Variants in MACROD2 observed in about 807,000 individuals in gnomAD.
MACROD2 encodes mono-ADP ribosylhydrolase 2, also known as ADP-ribose glycohydrolase MACROD2.
Under a neutral mutation model 70.4 loss-of-function variants are expected in MACROD2, and 36 were observed. The ratio of observed to expected loss-of-function variants is 0.51; its 90% CI spans 0.39 to 0.68. The LOEUF (loss-of-function observed/expected upper bound fraction) is 0.68, where lower values mean the gene tolerates loss of function less well. MACROD2 is among the 30% of genes least tolerant of loss of function. The probability of loss-of-function intolerance (pLI) is 0.00; values close to 1 mark genes in which losing one functional copy is unlikely to be tolerated. For synonymous variants in MACROD2, 172 were observed against 178.8 expected, an observed-to-expected ratio of 0.96 and a Z score of 0.30; for missense variants, 496 against 538.4, an observed-to-expected ratio of 0.92 and a Z score of 0.78.
chr20:15,611,691 A>C (rs911664611), intron 8 of MACROD2, among the ~76,000 whole-genome samples: 3 of 151,664 alleles, frequency 2.0e-5, no homozygotes, highest in African/African-American at 7.3e-5. Flanking sequence ...CGGCACTTAC[A>C]TGCTAAGGTT....
rs11468856 is a variant in MACROD2, at chr20:14,951,915, ATTTT to A, written c.418+266969_418+266972del. On this transcript the variant is annotated intron_variant, in intron 5 of 17. Transcript: ENST00000684519. ...CCCTCCCCTTCAGGGCAGCTTCTCCATTTTTTTTTTTTTTTTCCAGAGCTTATTA... is the reference window on the plus strand; with the variant it reads ...CCCTCCCCTTCAGGGCAGCTTCTCCATTTTTTTTTTTTCCAGAGCTTATTA... Among the ~76,000 whole-genome samples the A allele has an allele frequency of 8.7e-3, 1,157 of 133,678 alleles. 15 individuals carry two copies. Among genetic ancestry groups the A allele is most frequent in the African/African-American group, 0.03 (1,108 of 37,442 alleles). The allele number at this position is 133,678 out of a possible 152,430, so 87.7% of individuals were successfully genotyped here.
intron 4 of MACROD2, among the ~76,000 whole-genome samples, chr20:14,531,975 G>A (rs1319012050): frequency 6.6e-6 from 1 of 152,050 alleles, no homozygotes; most frequent in Non-Finnish European, 1.5e-5. Flanking sequence ...GCCAGCACTC[G>A]ACGTTCACTG....
At chr20:15,523,713 G>C (rs961888592) in intron 8 of MACROD2, among the ~76,000 whole-genome samples, 1 of 152,124 alleles carries the variant, frequency 6.6e-6, no homozygotes, top group Admixed American at 6.6e-5. Flanking sequence ...AGAATAGACT[G>C]GGGGGTGAAA....
At chr20:14,279,942 G>T (rs1198922771) in intron 3 of MACROD2, among the ~76,000 whole-genome samples, 1 of 152,108 alleles carries the variant, frequency 6.6e-6, no homozygotes, top group Non-Finnish European at 1.5e-5. Flanking sequence ...ATTAAGATTG[G>T]CTGTCAGAGG....
chr20:15,892,181 G>T (rs547394706), intron 10 of MACROD2, among the ~76,000 whole-genome samples: 1 of 152,232 alleles, frequency 6.6e-6, no homozygotes, highest in Non-Finnish European at 1.5e-5. Flanking sequence ...ATCTAGAGGG[G>T]CAAACAGATA....
chr20:15,229,863 T>C (rs1346021536), intron 5 of MACROD2, 77 bp from the exon 6 acceptor site: 1 of 1,395,038 alleles, frequency 7.2e-7, no homozygotes, highest in Non-Finnish European at 9.5e-7. Context: ...ATACCTAAAA[T>C]AAATAAAGTA....
At chr20:15,409,169 C>A (rs2046043941) in intron 6 of MACROD2, among the ~76,000 whole-genome samples, 1 of 152,060 alleles carries the variant, frequency 6.6e-6, no homozygotes, top group South Asian at 2.1e-4. Context: ...ATAATATAAC[C>A]ACTACTTGAG....
At chr20:14,105,979 A>G (rs1012363291) in intron 3 of MACROD2, among the ~76,000 whole-genome samples, 3 of 152,196 alleles carry the variant, frequency 2.0e-5, no homozygotes, top group Non-Finnish European at 4.4e-5. Context: ...GATACCAGAT[A>G]GCATACCATG....
intron 3 of MACROD2, among the ~76,000 whole-genome samples, chr20:14,338,718 T>A (rs924942281): frequency 1.3e-5 from 2 of 152,180 alleles, no homozygotes; most frequent in African/African-American, 4.8e-5. Flanking sequence ...TTGAAATTAT[T>A]TTAGTTTAAT....
intron 5 of MACROD2, among the ~76,000 whole-genome samples, chr20:14,879,059 C>A (rs1482731912): frequency 6.6e-6 from 1 of 152,134 alleles, no homozygotes; most frequent in African/African-American, 2.4e-5. Flanking sequence ...GTGGTTTTCA[C>A]CTTACTCATC....
intron 8 of MACROD2, among the ~76,000 whole-genome samples, chr20:15,664,310 C>T (rs1600728546): frequency 6.6e-6 from 1 of 152,154 alleles, no homozygotes; most frequent in East Asian, 1.9e-4. Context: ...TGATCAAAGA[C>T]AGAAGAGCAA....
Position 13,995,926 on chromosome 20 carries a change from C to T in MACROD2, c.46+117C>T. The T allele has an allele frequency of 8.4e-7, 1 of 1,192,646 alleles. No homozygotes were observed. Among genetic ancestry groups the T allele is most frequent in the Non-Finnish European group, 1.2e-6 (1 of 831,744 alleles). The allele number at this position is 1,192,646 out of a possible 1,614,324, so 73.9% of individuals were successfully genotyped here. A position where few individuals can be genotyped will look rare whatever the true frequency, so the allele number is the denominator to read the frequency against. ...GAGCTCCCGCCTCGCGCCCTCCCGG[C>T]CGGTGCCGCCTCCCTCCGGTGTCCG... On this transcript the variant is annotated intron_variant, in intron 1 of 17. Coordinates refer to ENST00000684519, the MANE Select transcript of MACROD2 (RefSeq NM_001351661.2). This position sits in a 1 kb window ranked among gnomAD's most constrained non-coding sequence, Gnocchi z 4.3.
In MACROD2 at chr20:15,638,911, G is replaced by C. The variant is rs1176929093; in HGVS notation, c.645+139064G>C. 2.6e-5 allele frequency among the ~76,000 whole-genome samples: 4 copies of C among 152,158 alleles called. No homozygotes were observed. In the South Asian group the frequency reaches 6.2e-4, roughly 24 times the overall value. On this transcript the variant is annotated intron_variant, in intron 8 of 17. Transcript: ENST00000684519. ...TCCGGAACAGAGTTGAAATATTCAG[G>C]TCCGCAGGGTGTGAGTAGACAGTTG...
chr20:15,419,266 C>T (rs902945183), intron 6 of MACROD2, among the ~76,000 whole-genome samples: 3 of 152,196 alleles, frequency 2.0e-5, no homozygotes, highest in African/African-American at 7.2e-5. Flanking sequence ...CCCTCCCATT[C>T]CTCACCCATC....
chr20:14,556,162 G>T (rs6042789), intron 4 of MACROD2, among the ~76,000 whole-genome samples: 48,744 of 151,836 alleles, frequency 0.32, 8,574 homozygotes, highest in African/African-American at 0.44. Context: ...ATCAGTGAAG[G>T]TCAAAGGACA....
intron 2 of MACROD2, among the ~76,000 whole-genome samples, chr20:14,042,918 G>T (rs1176518206): frequency 2.7e-4 from 38 of 141,280 alleles, no homozygotes; most frequent in East Asian, 6.2e-4. Flanking sequence ...CAGGTGGTGG[G>T]TTTTTTTTTT....
chr20:15,580,840 G>A (rs1431216980), intron 8 of MACROD2, among the ~76,000 whole-genome samples: 1 of 152,114 alleles, frequency 6.6e-6, no homozygotes, highest in African/African-American at 2.4e-5. Context: ...TGATTTGGGG[G>A]ATTAGTAAAT....
At chr20:14,789,879 G>A (rs1338202298) in intron 5 of MACROD2, among the ~76,000 whole-genome samples, 1 of 151,784 alleles carries the variant, frequency 6.6e-6, no homozygotes, top group Non-Finnish European at 1.5e-5. Context: ...ACTATGATGA[G>A]AAATCAAAAT....
At chr20:15,622,910 A>G (rs972264591) in intron 8 of MACROD2, among the ~76,000 whole-genome samples, 1 of 152,224 alleles carries the variant, frequency 6.6e-6, no homozygotes, top group Non-Finnish European at 1.5e-5. Flanking sequence ...GGGAATAAGC[A>G]TGGTGTATGA....
Sources: gnomAD v4.1 joint callset for allele counts (sites outside exome capture counted in the v4.1 genomes callset) on GRCh38, gnomAD v4.1.1 for gene constraint, Gnocchi (gnomAD v3.1) non-coding constraint, MANE v1.5 for transcripts, NCBI Gene and HGNC (gene_info 2026-07-23, HGNC 2026-07-21) for gene names.